AGO2: variants seen among roughly 807,000 people sequenced by gnomAD.
AGO2 encodes the protein argonaute RISC catalytic component 2, also known as protein argonaute-2.
A neutral mutation model predicts 102.3 loss-of-function variants in AGO2; 5 were observed. The observed-to-expected ratio is 0.05, with a 90% CI of 0.03 to 0.10. The LOEUF is 0.10. Ranked by LOEUF, AGO2 falls within the 10% of genes least tolerant of loss-of-function variation. The pLI is 1.00. For missense variants in AGO2, 541 were observed against 1,183.7 expected (o/e 0.46, Z 7.97); for synonymous variants, 449 against 473.1 (o/e 0.95, Z 0.66).
At chr8:140,575,480 C>T (rs1412725397) in intron 2 of AGO2, among the ~76,000 whole-genome samples, 1 of 152,184 alleles carries the variant, frequency 6.6e-6, no homozygotes, top group African/African-American at 2.4e-5. Context: ...ATCTCCCTGG[C>T]CAGGACTGCA....
At chr8:140,559,692 G>A (rs951998254) in intron 5 of AGO2, among the ~76,000 whole-genome samples, 163 bp from the exon 6 acceptor site, 1 of 152,158 alleles carries the variant, frequency 6.6e-6, no homozygotes, top group African/African-American at 2.4e-5. Flanking sequence ...ACACGGGCAG[G>A]CCAGCAGTGA....
Position 140,531,824 on chromosome 8 carries a change from C to T in AGO2, c.*220G>A. 4.1e-6 allele frequency: 2 copies of T among 485,814 alleles called. No individual in the cohort carries two copies. Among genetic ancestry groups the T allele is most frequent in the South Asian group, 2.8e-5 (1 of 35,986 alleles). The allele number at this position is 485,814 out of a possible 1,614,324, so 30.1% of individuals were successfully genotyped here. On this transcript the variant is annotated 3_prime_UTR_variant, in exon 19 of 19. Coordinates refer to ENST00000220592, the MANE Select transcript of AGO2 (RefSeq NM_012154.5). ...AAGCAGCTTATAGATTTTAGCAAAC[C>T]ATATTTCCTATGACATTGGGTTCTC...
rs2132835857 is a variant in AGO2 at position 140,524,908 on chromosome 8, A to C, written c.*7136T>G. 1 of 152,392 alleles carries C rather than the reference A, an allele frequency of 6.6e-6. No individual in the cohort carries two copies. Among genetic ancestry groups the C allele is most frequent in the Non-Finnish European group, 1.5e-5 (1 of 68,074 alleles). 9.4% of individuals were successfully genotyped at this position (152,392 alleles called of 1,614,324 possible). On this transcript the variant is annotated 3_prime_UTR_variant, in exon 19 of 19. Coordinates refer to ENST00000220592, the MANE Select transcript of AGO2 (RefSeq NM_012154.5). ...TTGGAGCTACAGAAAGAACTGAATA[A>C]GAATGGCCCCAACGTCCAGTTCCTG...
In AGO2 at chr8:140,547,616, G is replaced by A. The variant is rs756553697; in HGVS notation, c.1600C>T (p.Arg534Cys). ...ATCCCCAGCACCGTGTCTCCCACGC[G>A]CTTGACCTCGGCTAAGGGACATGAG... ...GKTPVYAEVK[R>C]VGDTVLGMAT... The change falls in exon 13 of 19, where the codon CGC becomes TGC. Residue 534 changes from arginine to cysteine, a missense_variant. By Grantham distance (180) the Arg-to-Cys change is radical (BLOSUM62 -3). Around this residue, in one of 6 missense-constraint regions of AGO2, gnomAD observed 309 missense variants for 735.1 expected, o/e 0.42. Coordinates refer to ENST00000220592, the MANE Select transcript of AGO2 (RefSeq NM_012154.5). 3 of 1,612,946 alleles carry A rather than the reference G, an allele frequency of 1.9e-6. No individual in the cohort carries two copies. The highest frequency in any genetic ancestry group is 1.1e-5 in the South Asian group (1 of 90,988).
Position 140,604,323 on chromosome 8 carries a change from C to T in AGO2, c.23-19012G>A, listed in dbSNP as rs181414619. ...TTCAAGAACTTGAAAATTACATAAG[C>T]GAAAATGCTTAGGTATGTTGAAATT... On this transcript the variant is annotated intron_variant, in intron 1 of 18. Transcript: ENST00000220592. Among the ~76,000 whole-genome samples, 61 of 152,282 alleles carry T rather than the reference C, an allele frequency of 4.0e-4. No individual in the cohort carries two copies. The East Asian group carries it at 9.1e-3, about 23-fold the overall frequency.
At position 140,557,861 on chromosome 8, in the gene AGO2, G is replaced by A. The variant is rs1425205981; in HGVS notation, c.878+624C>T. Among the ~76,000 whole-genome samples, 1 of 152,204 alleles carries A rather than the reference G, an allele frequency of 6.6e-6. No homozygotes were observed. The highest frequency in any genetic ancestry group is 1.5e-5 in the Non-Finnish European group (1 of 68,026). On this transcript the variant is annotated intron_variant, in intron 7 of 18. Coordinates refer to ENST00000220592, the MANE Select transcript of AGO2 (RefSeq NM_012154.5). This position sits in a 1 kb window ranked among gnomAD's most constrained non-coding sequence, Gnocchi z 5.9. ...CCGGGCCATCTGCAGCCTCTGCCAG[G>A]CCACAGGCCCTCTCGTCCTTCTGCT...
At chr8:140,600,729 G>A (rs1351991807) in intron 1 of AGO2, among the ~76,000 whole-genome samples, 5 of 151,342 alleles carry the variant, frequency 3.3e-5, no homozygotes, top group African/African-American at 1.2e-4. Flanking sequence ...CCATTCGGAG[G>A]AGAATTACAT....
At chr8:140,536,810 G>C (rs956704620) in intron 16 of AGO2, among the ~76,000 whole-genome samples, 2 of 152,338 alleles carry the variant, frequency 1.3e-5, no homozygotes, top group African/African-American at 4.8e-5. Context: ...CGGGGAGGAA[G>C]GGGGACAGGG....
intron 2 of AGO2, among the ~76,000 whole-genome samples, chr8:140,580,663 CG>C (rs370097136): frequency 6.6e-6 from 1 of 152,198 alleles, no homozygotes; most frequent in East Asian, 1.9e-4. Context: ...GATGTGTGAG[CG>C]GGGGGTCTCA....
chr8:140,568,275 C>T (rs2132964080), intron 3 of AGO2, among the ~76,000 whole-genome samples: 1 of 88,490 alleles, frequency 1.1e-5, no homozygotes, highest in Non-Finnish European at 2.1e-5. Flanking sequence ...CAGAGCGAGA[C>T]CATGTCTGGG....
intron 1 of AGO2, among the ~76,000 whole-genome samples, chr8:140,610,939 G>A (rs7001653): frequency 0.42 from 63,895 of 152,142 alleles, 13,783 homozygotes; most frequent in Non-Finnish European, 0.48. Flanking sequence ...TGTAAATCAT[G>A]ATACAATTTA....
At chr8:140,621,183 G>A (rs2074213544) in intron 1 of AGO2, among the ~76,000 whole-genome samples, 1 of 152,204 alleles carries the variant, frequency 6.6e-6, no homozygotes, top group South Asian at 2.1e-4. Context: ...TTTCCACCCT[G>A]CAGCCGGTGG....
chr8:140,608,953 C>A (rs553026085), intron 1 of AGO2, among the ~76,000 whole-genome samples: 1 of 152,232 alleles, frequency 6.6e-6, no homozygotes, highest in Non-Finnish European at 1.5e-5. Flanking sequence ...ACAGGCCCTC[C>A]CCACCCACTG....
chr8:140,551,535 A>G (rs1465575007), intron 10 of AGO2, 99 bp from the exon 11 acceptor site: 12 of 1,307,604 alleles, frequency 9.2e-6, no homozygotes, highest in Admixed American at 2.8e-5. Context: ...CTGACCAACA[A>G]CTGCTTCTCA....
At chr8:140,635,285 G>T (rs2074392045) in intron 1 of AGO2, among the ~76,000 whole-genome samples, 200 bp downstream of exon 1, 1 of 146,034 alleles carries the variant, frequency 6.8e-6, no homozygotes, top group Non-Finnish European at 1.5e-5. Context: ...CCAACGCGGG[G>T]CCGAGAAAAC....
chr8:140,544,512 G>A (rs1450415201), intron 13 of AGO2, among the ~76,000 whole-genome samples: 4 of 152,226 alleles, frequency 2.6e-5, no homozygotes, highest in Admixed American at 2.6e-4. Flanking sequence ...CGGGTTGGGG[G>A]GCTTGGGTGG....
the AGO2 span, among the ~76,000 whole-genome samples, chr8:140,641,772 C>T: frequency 1.3e-5 from 2 of 152,166 alleles, no homozygotes. Flanking sequence ...TTAGTAGAGA[C>T]GGGGTTTTGC....
intron 1 of AGO2, among the ~76,000 whole-genome samples, chr8:140,598,335 C>T (rs980802171): frequency 1.3e-5 from 2 of 152,236 alleles, no homozygotes; most frequent in Admixed American, 6.5e-5. Flanking sequence ...AGGAAGCAGA[C>T]GTTTGCGTTC....
chr8:140,573,634 T>C (rs947678821), intron 2 of AGO2, among the ~76,000 whole-genome samples: 13 of 152,244 alleles, frequency 8.5e-5, no homozygotes, highest in African/African-American at 3.1e-4. Context: ...CTGGGCACTT[T>C]ATATGCCACA....
Sources: gnomAD v4.1 joint callset for allele counts (sites outside exome capture counted in the v4.1 genomes callset) on GRCh38, gnomAD v4.1.1 for gene constraint, gnomAD v4.1.1 regional missense constraint, Gnocchi (gnomAD v3.1) non-coding constraint, MANE v1.5 for transcripts, NCBI Gene and HGNC (gene_info 2026-07-23, HGNC 2026-07-21) for gene names.